PRKN: variants seen among roughly 807,000 people sequenced by gnomAD.
PRKN encodes the protein parkin RBR E3 ubiquitin protein ligase.
A neutral mutation model predicts 59.5 loss-of-function variants in PRKN; 56 were observed. The ratio of observed to expected loss-of-function variants is 0.94; its 90% CI spans 0.76 to 1.18. PRKN has a LOEUF of 1.18. PRKN is among the 50% of genes most tolerant of loss of function. The probability of loss-of-function intolerance (pLI) is 0.00; values close to 1 mark genes in which losing one functional copy is unlikely to be tolerated. For synonymous variants in PRKN, 250 were observed against 222.1 expected (o/e 1.13, Z -1.12); for missense variants, 657 against 596.4 (o/e 1.10, Z -1.06).
At chr6:162,067,680 G>C (rs1405040773) in intron 4 of PRKN, among the ~76,000 whole-genome samples, 1 of 152,100 alleles carries the variant, frequency 6.6e-6, no homozygotes, top group Non-Finnish European at 1.5e-5. Context: ...ATGGTGTAAC[G>C]AATATATGCC....
Position 161,677,269 on chromosome 6 carries a change from T to C in PRKN, c.872-107853A>G, listed in dbSNP as rs942926685. ...GAATCAATAGTTCTCTACAATGAAA[T>C]CTTAGCCTTGGAGAAGTGTTTGGTG... On this transcript the variant is annotated intron_variant, in intron 7 of 11. Transcript: ENST00000366898. Among the ~76,000 whole-genome samples, 14 of 149,628 alleles carry C rather than the reference T, an allele frequency of 9.4e-5. 1 individual carries two copies. Among genetic ancestry groups the C allele is most frequent in the African/African-American group, 2.5e-4 (10 of 40,660 alleles).
At chr6:162,067,087 T>C (rs995667704) in intron 4 of PRKN, among the ~76,000 whole-genome samples, 8 of 152,142 alleles carry the variant, frequency 5.3e-5, no homozygotes, top group African/African-American at 1.9e-4. Flanking sequence ...CTGTTTGTAA[T>C]ATACATAGTG....
intron 1 of PRKN, among the ~76,000 whole-genome samples, chr6:162,693,168 C>T (rs1470070961): frequency 6.6e-6 from 1 of 152,180 alleles, no homozygotes; most frequent in Non-Finnish European, 1.5e-5. Flanking sequence ...TGACTATCCT[C>T]TAGGTAAGAG....
rs1379826799 is a variant in PRKN at position 162,380,418 on chromosome 6, CAT to C, written c.171+62890_171+62891del. ...AAAGCTATATATATATATATACACA[CAT>C]ATATATATGTGTGTATATATATATA... is the stretch of plus-strand genomic sequence containing the variant. On this transcript the variant is annotated intron_variant, in intron 2 of 11. Transcript: ENST00000366898. Among the ~76,000 whole-genome samples, 117 of 128,632 alleles carry C rather than the reference CAT, an allele frequency of 9.1e-4. 1 individual carries two copies. Among genetic ancestry groups the C allele is most frequent in the African/African-American group, 2.7e-3 (93 of 33,984 alleles). 84.4% of individuals were successfully genotyped at this position (128,632 alleles called of 152,430 possible).
chr6:162,198,206 T>C (rs772879915), intron 4 of PRKN, among the ~76,000 whole-genome samples: 6 of 152,168 alleles, frequency 3.9e-5, no homozygotes, highest in Non-Finnish European at 7.4e-5. Flanking sequence ...CTCTGGGAAC[T>C]GAGAAAAATC....
intron 7 of PRKN, among the ~76,000 whole-genome samples, chr6:161,650,728 T>C (rs1435922589): frequency 1.2e-4 from 18 of 152,214 alleles, no homozygotes; most frequent in Admixed American, 1.2e-3. Flanking sequence ...GTGAAGTCCT[T>C]GTCCATCAGT....
chr6:161,383,475 G>A (rs536451484), intron 10 of PRKN, among the ~76,000 whole-genome samples: 74 of 152,312 alleles, frequency 4.9e-4, no homozygotes, highest in African/African-American at 1.7e-3. Context: ...GTCTGGCTTC[G>A]GTGGGGTATG....
chr6:162,228,636 T>C (rs908419587), intron 3 of PRKN, among the ~76,000 whole-genome samples: 12 of 152,206 alleles, frequency 7.9e-5, no homozygotes, highest in South Asian at 2.1e-4. Flanking sequence ...ATATGTGAGC[T>C]GATTGAAGTT....
chr6:162,543,177 ACT>A (rs1239958341), intron 1 of PRKN, among the ~76,000 whole-genome samples: 1 of 151,326 alleles, frequency 6.6e-6, no homozygotes. Flanking sequence ...TGCTGGGAAA[ACT>A]CTAGTTTTTC....
At chr6:162,251,576 T>C (rs1437800542) in intron 3 of PRKN, among the ~76,000 whole-genome samples, 2 of 152,188 alleles carry the variant, frequency 1.3e-5, no homozygotes, top group Non-Finnish European at 2.9e-5. Context: ...TACATATTCA[T>C]TCTAGAAAGT....
chr6:162,016,153 T>A lies in PRKN; in HGVS notation c.618+37938A>T, dbSNP rs201191339. Among the ~76,000 whole-genome samples, 5 of 151,288 alleles carry A rather than the reference T, an allele frequency of 3.3e-5. No individual in the cohort carries two copies. In the East Asian group the frequency reaches 5.8e-4, roughly 18 times the overall value. On this transcript the variant is annotated intron_variant, in intron 5 of 11. Transcript: ENST00000366898. ...GACTAATTCTTGTTTAAAATAATAA[T>A]AAAAAAAAACTGAATCCATAGCAAA...
At chr6:162,453,832 G>A (rs1010349160) in intron 1 of PRKN, among the ~76,000 whole-genome samples, 3 of 152,176 alleles carry the variant, frequency 2.0e-5, no homozygotes, top group South Asian at 2.1e-4. Context: ...GAACCCAGGA[G>A]GTGGAGGTTG....
At chr6:162,590,371 C>T (rs1426006406) in intron 1 of PRKN, among the ~76,000 whole-genome samples, 1 of 152,114 alleles carries the variant, frequency 6.6e-6, no homozygotes, top group Admixed American at 6.5e-5. Context: ...GATAAACATA[C>T]TAAACGAAAA....
intron 1 of PRKN, among the ~76,000 whole-genome samples, chr6:162,682,522 T>C (rs907757770): frequency 1.3e-5 from 2 of 152,096 alleles, no homozygotes; most frequent in East Asian, 3.9e-4. Flanking sequence ...AAATACCACA[T>C]GTTTTCACTT....
rs1781227872 is a variant in PRKN at position 161,980,704 on chromosome 6, C to T, written c.619-7287G>A. On this transcript the variant is annotated intron_variant, in intron 5 of 11. Transcript: ENST00000366898. ...TCCCCTAGAGAGAGAGGGAGAAATG[C>T]CCCTGGCTTCTGCCTTCTCTTGGCC... is the stretch of plus-strand genomic sequence containing the variant. 4.6e-5 allele frequency among the ~76,000 whole-genome samples: 7 copies of T among 152,284 alleles called. No homozygotes were observed. In the South Asian group the frequency reaches 1.4e-3, roughly 32 times the overall value.
At chr6:162,273,158 T>C (rs1780469549) in intron 2 of PRKN, among the ~76,000 whole-genome samples, 1 of 151,916 alleles carries the variant, frequency 6.6e-6, no homozygotes. Flanking sequence ...ATTAAGTACA[T>C]ACAAAAGTAG....
intron 1 of PRKN, among the ~76,000 whole-genome samples, chr6:162,525,238 G>T (rs1778233051): frequency 6.6e-6 from 1 of 151,896 alleles, no homozygotes; most frequent in African/African-American, 2.4e-5. Context: ...GTGTGTATTT[G>T]TTCTCTCTGT....
At chr6:162,395,995 T>C (rs1787455526) in intron 2 of PRKN, among the ~76,000 whole-genome samples, 1 of 152,212 alleles carries the variant, frequency 6.6e-6, no homozygotes, top group African/African-American at 2.4e-5. Context: ...AAAAGCTCAG[T>C]AAATGTTGGA....
intron 5 of PRKN, among the ~76,000 whole-genome samples, chr6:162,029,867 C>A (rs1385550373): frequency 6.6e-6 from 1 of 152,188 alleles, no homozygotes; most frequent in East Asian, 1.9e-4. Context: ...GTGACAGGAT[C>A]TTGCTCTGTC....
Sources: gnomAD v4.1 joint callset for allele counts (sites outside exome capture counted in the v4.1 genomes callset) on GRCh38, gnomAD v4.1.1 for gene constraint, MANE v1.5 for transcripts, NCBI Gene and HGNC (gene_info 2026-07-23, HGNC 2026-07-21) for gene names.